The following ADD3 variants were observed in gnomAD, a reference collection of about 807,000 sequenced individuals.
ADD3 encodes the protein adducin 3.
In ADD3, 25 loss-of-function variants were observed where a neutral mutation model predicts 80.2. The ratio of observed to expected loss-of-function variants is 0.31; its 90% CI spans 0.23 to 0.44. ADD3 has a LOEUF of 0.44. Among genes scored for constraint, ADD3 ranks in the 20% least tolerant of loss-of-function variants. The pLI is 1.00. For missense variants in ADD3, 829 were observed against 847.5 expected, an observed-to-expected ratio of 0.98 and a Z score of 0.27; for synonymous variants, 284 against 289.6, an observed-to-expected ratio of 0.98 and a Z score of 0.20.
intron 2 of ADD3, among the ~76,000 whole-genome samples, chr10:110,110,882 C>A (rs1379412315): frequency 6.6e-6 from 1 of 151,954 alleles, no homozygotes; most frequent in Non-Finnish European, 1.5e-5. Context: ...ATAATCCCAG[C>A]TACTTGGAAG....
intron 1 of ADD3, among the ~76,000 whole-genome samples, chr10:110,015,683 A>AT (rs11388641): frequency 0.27 from 40,240 of 150,690 alleles, 7,771 homozygotes; most frequent in African/African-American, 0.53. Flanking sequence ...AGAATGTTTG[A>AT]TTTTTTTTTT....
At chr10:110,079,375 C>G (rs1845742241) in intron 1 of ADD3, 1 of 151,218 alleles carries the variant, frequency 6.6e-6, no homozygotes, top group African/African-American at 2.4e-5. Flanking sequence ...TTTTCCCACC[C>G]TAATCCCTCA....
At chr10:110,107,466 A>G (rs1055749090) in intron 2 of ADD3, among the ~76,000 whole-genome samples, 1 of 152,196 alleles carries the variant, frequency 6.6e-6, no homozygotes, top group African/African-American at 2.4e-5. Flanking sequence ...AGCATGAGGT[A>G]GTAATGGCAG....
chr10:110,065,977 G>A (rs777833269), intron 1 of ADD3, among the ~76,000 whole-genome samples: 9 of 151,832 alleles, frequency 5.9e-5, no homozygotes, highest in Non-Finnish European at 1.2e-4. Context: ...TCAATTATTC[G>A]ATAGTCCTTA....
intron 1 of ADD3, among the ~76,000 whole-genome samples, chr10:110,100,349 C>CA (rs750807063): frequency 0.41 from 30,132 of 74,380 alleles, 7,213 homozygotes; most frequent in African/African-American, 0.68. Context: ...GACTCCATCT[C>CA]AAAAAAAAAA....
At chr10:110,065,498 C>G (rs980192784) in intron 1 of ADD3, among the ~76,000 whole-genome samples, 15 of 132,292 alleles carry the variant, frequency 1.1e-4, no homozygotes, top group East Asian at 4.7e-4. Context: ...GTCTCTCTCT[C>G]TCTCTCTCTC....
intron 1 of ADD3, among the ~76,000 whole-genome samples, chr10:110,046,420 AT>A (rs61566100): frequency 2.9e-3 from 415 of 142,634 alleles, no homozygotes; most frequent in Middle Eastern, 0.015. Context: ...TTATACGTGG[AT>A]TTTTTTTTTT....
At chr10:110,049,816 G>A (rs1857298336) in intron 1 of ADD3, among the ~76,000 whole-genome samples, 3 of 151,832 alleles carry the variant, frequency 2.0e-5, no homozygotes, top group African/African-American at 7.3e-5. Context: ...GAACCCGGGA[G>A]GCAGAGCTTG....
At position 110,100,670 on chromosome 10, in the gene ADD3, G is replaced by A. The variant is rs371176610; in HGVS notation, c.17G>A (p.Ser6Asn). The A allele has an allele frequency of 6.2e-7, 1 of 1,610,180 alleles. No individual in the cohort carries two copies. The highest frequency in any genetic ancestry group is 2.2e-5 in the East Asian group (1 of 44,656). Reference sequence around the variant, plus strand: ...ACTTAAAACATGAGCTCAGATGCCAGCCAAGGCGTGATTACCACTCCTCCT... The same window carrying A: ...ACTTAAAACATGAGCTCAGATGCCAACCAAGGCGTGATTACCACTCCTCCT... Reference protein sequence around the residue: MSSDASQGVITTPPPP... With the variant: MSSDANQGVITTPPPP... The change falls in exon 2 of 15, where the codon AGC becomes AAC. Residue 6 changes from serine to asparagine, a missense_variant. Physicochemically the swap from Ser to Asn is conservative, Grantham distance 46. Coordinates refer to ENST00000356080, the MANE Select transcript of ADD3 (RefSeq NM_016824.5).
chr10:110,124,640 A>C (rs1851915272), intron 10 of ADD3, among the ~76,000 whole-genome samples: 1 of 152,234 alleles, frequency 6.6e-6, no homozygotes, highest in Admixed American at 6.5e-5. Flanking sequence ...CTACACCAGT[A>C]GTTTAATTCA....
At chr10:110,098,855 T>C (rs1291455719) in intron 1 of ADD3, among the ~76,000 whole-genome samples, 2 of 152,046 alleles carry the variant, frequency 1.3e-5, no homozygotes, top group Non-Finnish European at 2.9e-5. Flanking sequence ...GGTCTCGAAC[T>C]CCTGACCTCG....
intron 1 of ADD3, chr10:110,075,602 G>A (rs1008079098): frequency 2.6e-5 from 4 of 152,172 alleles, no homozygotes; most frequent in Admixed American, 2.6e-4. Context: ...TTCTTCTCTT[G>A]TCATTTCCTT....
chr10:110,101,963 T>C (rs959530943), intron 2 of ADD3, among the ~76,000 whole-genome samples: 1 of 152,170 alleles, frequency 6.6e-6, no homozygotes, highest in African/African-American at 2.4e-5. Context: ...TGGTAAATCA[T>C]TTTTGTTGTG....
chr10:110,009,115 G>A (rs910690818), intron 1 of ADD3, among the ~76,000 whole-genome samples: 2 of 152,176 alleles, frequency 1.3e-5, no homozygotes, highest in Non-Finnish European at 2.9e-5. Context: ...GGTTGAAAAT[G>A]GGAGCGCAAG....
At chr10:110,125,430 G>GTTT (rs10571033) in intron 10 of ADD3, among the ~76,000 whole-genome samples, 1 of 145,472 alleles carries the variant, frequency 6.9e-6, no homozygotes, top group Non-Finnish European at 1.5e-5. Context: ...TATTTCTTAA[G>GTTT]TTTTTTTTTT....
At position 110,011,276 on chromosome 10, in the gene ADD3, A is replaced by G. The variant is rs572620927; in HGVS notation, c.-30+2977A>G. Among the ~76,000 whole-genome samples the G allele has an allele frequency of 2.0e-5, 3 of 152,318 alleles. No homozygotes were observed. In the East Asian group the frequency reaches 5.8e-4, roughly 29 times the overall value. On this transcript the variant is annotated intron_variant, in intron 1 of 14. Transcript: ENST00000356080. ...TAAATACCACCTGAGTTGCTTCCTAAAATGAACCCTAAATGCAAAGATGTA... is the reference window on the plus strand; with the variant it reads ...TAAATACCACCTGAGTTGCTTCCTAGAATGAACCCTAAATGCAAAGATGTA...
intron 1 of ADD3, among the ~76,000 whole-genome samples, chr10:110,027,959 G>A (rs763348231): frequency 1.3e-5 from 2 of 152,142 alleles, no homozygotes; most frequent in Non-Finnish European, 2.9e-5. Flanking sequence ...AAAAGGTTGT[G>A]GGGGGAAGAA....
rs149231665 is a variant in ADD3, at chr10:110,125,337, C to A, written c.1402-489C>A. ...TTTGCTATTATATACCAGATTATCC[C>A]CATTATAAAATGCCGATTAGGGCTT... On this transcript the variant is annotated intron_variant, in intron 10 of 14. Coordinates refer to ENST00000356080, the MANE Select transcript of ADD3 (RefSeq NM_016824.5). 3.3e-5 allele frequency among the ~76,000 whole-genome samples: 5 copies of A among 152,236 alleles called. No homozygotes were observed. The East Asian group carries it at 7.7e-4, about 23-fold the overall frequency.
chr10:110,004,257 G>T (rs955287157), upstream of ADD3, among the ~76,000 whole-genome samples: 1 of 151,640 alleles, frequency 6.6e-6, no homozygotes, highest in Non-Finnish European at 1.5e-5. Flanking sequence ...AATTGAGGCC[G>T]GGTGCGGTGG....
Sources: allele counts gnomAD v4.1 joint callset (sites outside exome capture counted in the v4.1 genomes callset), GRCh38; gene constraint gnomAD v4.1.1; transcripts MANE v1.5; gene names NCBI Gene and HGNC (gene_info 2026-07-23, HGNC 2026-07-21).